The following SRPK2 variants were observed in gnomAD, a reference collection of about 807,000 sequenced individuals.
SRPK2 encodes the protein SFRS protein kinase 2.
A neutral mutation model predicts 90.8 loss-of-function variants in SRPK2; 21 were observed. The observed-to-expected ratio is 0.23, with a 90% CI of 0.16 to 0.33. The LOEUF (loss-of-function observed/expected upper bound fraction) is 0.33. SRPK2 is among the 10% of genes least tolerant of loss of function. The pLI, the probability that SRPK2 is intolerant of heterozygous loss-of-function variation, is 1.00. For synonymous variants in SRPK2, 288 were observed against 311.1 expected (o/e 0.93, Z 0.78); for missense variants, 620 against 869.0 (o/e 0.71, Z 3.60).
intron 2 of SRPK2, among the ~76,000 whole-genome samples, chr7:105,283,512 A>G (rs1807619197): frequency 6.6e-6 from 1 of 152,236 alleles, no homozygotes; most frequent in African/African-American, 2.4e-5. Flanking sequence ...GAAAGAAGCC[A>G]GGCACATAAC....
intron 2 of SRPK2, among the ~76,000 whole-genome samples, chr7:105,373,828 G>T (rs1819985530): frequency 6.6e-6 from 1 of 152,074 alleles, no homozygotes. Context: ...CTTCCCACCT[G>T]CCCATCAGCT....
chr7:105,142,306 A>C lies in SRPK2; in HGVS notation c.1245T>G (p.Asp415Glu), dbSNP rs1167834503. 1 of 1,614,158 alleles carries C rather than the reference A, an allele frequency of 6.2e-7. No individual in the cohort carries two copies. Among genetic ancestry groups the C allele is most frequent in the Admixed American group, 1.7e-5 (1 of 60,022 alleles). The change falls in exon 11 of 16, where the codon GAT becomes GAG. Residue 415 changes from aspartate (D) to glutamate (E), a missense_variant. By Grantham distance (45) the Asp-to-Glu change is conservative. Coordinates refer to ENST00000393651, the MANE Select transcript of SRPK2 (RefSeq NM_182692.3). ...CCTCAGGATTTGGGCAGTCTTCTTC[A>C]TCATCATCTTCATCGTCCAGTTGCT... ...LEQQLDDEDD[D>E]EEDCPNPEEY...
At chr7:105,374,293 G>A (rs1450968428) in intron 2 of SRPK2, among the ~76,000 whole-genome samples, 1 of 152,096 alleles carries the variant, frequency 6.6e-6, no homozygotes, top group Non-Finnish European at 1.5e-5. Context: ...CTTTAATTTT[G>A]TCATTTTGTA....
At chr7:105,299,037 G>A (rs143544468) in intron 2 of SRPK2, among the ~76,000 whole-genome samples, 96 of 152,266 alleles carry the variant, frequency 6.3e-4, no homozygotes, top group African/African-American at 2.2e-3. Context: ...GCACTGAAAC[G>A]TTAAGATCTG....
upstream of SRPK2, among the ~76,000 whole-genome samples, chr7:105,394,145 C>CTTTT (rs746514839): frequency 7.9e-5 from 11 of 139,936 alleles, no homozygotes; most frequent in Admixed American, 7.3e-5. Context: ...TTCTTTCTTT[C>CTTTT]TTTTTTTTTT....
At chr7:105,233,153 G>GGA (rs1563120516) in intron 2 of SRPK2, among the ~76,000 whole-genome samples, 5 of 106,200 alleles carry the variant, frequency 4.7e-5, no homozygotes, top group Non-Finnish European at 1.1e-4. Context: ...GGAAGGAAGG[G>GGA]GAAAGGGAAG....
intron 2 of SRPK2, 121 bp downstream of exon 2, chr7:105,388,527 G>A (rs1821926641): frequency 2.7e-6 from 2 of 732,548 alleles, no homozygotes; most frequent in Non-Finnish European, 3.7e-6. Context: ...CCGAGCGCCA[G>A]CGTCCCGGGG....
chr7:105,162,933 A>G (rs1186594269), intron 6 of SRPK2, among the ~76,000 whole-genome samples: 1 of 152,262 alleles, frequency 6.6e-6, no homozygotes, highest in Non-Finnish European at 1.5e-5. Context: ...GGACCTTGCA[A>G]GTCGGACACA....
At chr7:105,384,106 T>C (rs1310419732) in intron 2 of SRPK2, among the ~76,000 whole-genome samples, 1 of 152,156 alleles carries the variant, frequency 6.6e-6, no homozygotes, top group Non-Finnish European at 1.5e-5. Flanking sequence ...AATTTTATGG[T>C]ATGTGAACTA....
chr7:105,212,928 TTAGGTATTACAAC>T (rs1466304726), intron 2 of SRPK2, among the ~76,000 whole-genome samples: 20 of 152,130 alleles, frequency 1.3e-4, no homozygotes, highest in African/African-American at 4.3e-4. Context: ...CCATAAACAA[TTAGGTATTACAAC>T]TATTTACATA....
intron 7 of SRPK2, among the ~76,000 whole-genome samples, chr7:105,157,059 A>G (rs1205686755): frequency 6.6e-6 from 1 of 152,200 alleles, no homozygotes; most frequent in Non-Finnish European, 1.5e-5. Context: ...AGGAGAATAA[A>G]CTGGAAAAGG....
rs543665239 is a variant in SRPK2, at chr7:105,281,213, C to T, written c.72-77428G>A. 1.3e-3 allele frequency among the ~76,000 whole-genome samples: 194 copies of T among 151,910 alleles called. 2 individuals are homozygous for T. Among genetic ancestry groups the T allele is most frequent in the South Asian group, 1.9e-3 (9 of 4,802 alleles). On this transcript the variant is annotated intron_variant, in intron 2 of 15. Coordinates refer to ENST00000393651, the MANE Select transcript of SRPK2 (RefSeq NM_182692.3). ...CCAGGTTCAAGTGATTCTCCTGTCT[C>T]AGCCTCCCGAGTAGCTGGGATTACA...
rs573977439 is a variant in SRPK2, at chr7:105,200,323, G to A, written c.229+3305C>T. On this transcript the variant is annotated intron_variant, in intron 3 of 15. Coordinates refer to ENST00000393651, the MANE Select transcript of SRPK2 (RefSeq NM_182692.3). ...CTCAAAACAAAACAAAAAAATAAACGATCAAAGAACGATTGAGGCATTTCA... is the reference window on the plus strand; with the variant it reads ...CTCAAAACAAAACAAAAAAATAAACAATCAAAGAACGATTGAGGCATTTCA... Among the ~76,000 whole-genome samples, 12 of 151,924 alleles carry A rather than the reference G, an allele frequency of 7.9e-5. No homozygotes were observed. In the South Asian group the frequency reaches 2.3e-3, roughly 29 times the overall value.
intron 2 of SRPK2, among the ~76,000 whole-genome samples, chr7:105,358,241 A>AC (rs1407178722): frequency 4.7e-5 from 7 of 150,446 alleles, no homozygotes; most frequent in Admixed American, 3.3e-4. Flanking sequence ...AAAAAAAAAA[A>AC]AAAACACCCC....
intron 2 of SRPK2, among the ~76,000 whole-genome samples, chr7:105,383,883 TC>T (rs1821241305): frequency 6.6e-6 from 1 of 152,324 alleles, no homozygotes; most frequent in East Asian, 1.9e-4. Flanking sequence ...TACTGTATAT[TC>T]CATTTACATG....
chr7:105,221,573 C>T (rs553071567), intron 2 of SRPK2, among the ~76,000 whole-genome samples: 1 of 152,316 alleles, frequency 6.6e-6, no homozygotes, highest in South Asian at 2.1e-4. Context: ...CCAAGGTCAG[C>T]ATCACGGAGC....
chr7:105,358,013 C>G (rs1375977108), intron 2 of SRPK2, among the ~76,000 whole-genome samples: 3 of 151,426 alleles, frequency 2.0e-5, no homozygotes, highest in African/African-American at 7.3e-5. Flanking sequence ...TCACAAAGGT[C>G]AAGAGATCAA....
upstream of SRPK2, among the ~76,000 whole-genome samples, chr7:105,393,013 A>G (rs1822222043): frequency 1.4e-5 from 2 of 144,608 alleles, no homozygotes; most frequent in African/African-American, 2.6e-5. Flanking sequence ...TGGAGAGGGG[A>G]AGGGAAGTCT....
intron 3 of SRPK2, among the ~76,000 whole-genome samples, chr7:105,171,345 T>C (rs1791122966): frequency 6.6e-6 from 1 of 152,238 alleles, no homozygotes; most frequent in Admixed American, 6.5e-5. Context: ...TACATTTTAT[T>C]CTTTTTATCT....
Sources: allele counts gnomAD v4.1 joint callset (sites outside exome capture counted in the v4.1 genomes callset), GRCh38; gene constraint gnomAD v4.1.1; transcripts MANE v1.5; gene names NCBI Gene and HGNC (gene_info 2026-07-23, HGNC 2026-07-21).